Variants in OIP5 observed in about 807,000 individuals in gnomAD.
OIP5 encodes Opa interacting protein 5, also known as protein Mis18-beta.
In OIP5, 24 loss-of-function variants were observed where a neutral mutation model predicts 20.3. The ratio of observed to expected loss-of-function variants is 1.18; its 90% CI spans 0.86 to 1.66. The LOEUF (loss-of-function observed/expected upper bound fraction) is 1.66, where lower values mean the gene tolerates loss of function less well. Ranked by LOEUF, OIP5 falls within the 40% of genes most tolerant of loss-of-function variation. The pLI is 0.00. For missense variants in OIP5, 339 were observed against 289.5 expected (o/e 1.17, Z -1.24); for synonymous variants, 143 against 121.3 (o/e 1.18, Z -1.17).
intron 3 of OIP5, among the ~76,000 whole-genome samples, chr15:41,319,045 C>T (rs2030396765): frequency 1.3e-5 from 2 of 151,606 alleles, no homozygotes; most frequent in Admixed American, 1.3e-4. Flanking sequence ...ACTTTAGCAT[C>T]TTTTTGGTAC....
intron 4 of OIP5, among the ~76,000 whole-genome samples, chr15:41,310,353 G>A (rs1400604008): frequency 1.3e-5 from 2 of 152,180 alleles, no homozygotes; most frequent in African/African-American, 2.4e-5. Context: ...GTGGCCAGGC[G>A]CAGTGGCTCA....
At chr15:41,328,120 C>T (rs2047873211) in intron 2 of OIP5, among the ~76,000 whole-genome samples, 4 of 152,136 alleles carry the variant, frequency 2.6e-5, no homozygotes, top group Admixed American at 2.6e-4. Flanking sequence ...AAGATCCTTA[C>T]CAAAATATTT....
At position 41,332,283 on chromosome 15, in the gene OIP5, G is replaced by T. The variant is rs773259110; in HGVS notation, c.279C>A (p.Leu93=). The T allele has an allele frequency of 1.3e-6, 2 of 1,573,808 alleles. No homozygotes were observed. Among genetic ancestry groups the T allele is most frequent in the African/African-American group, 1.4e-5 (1 of 73,932 alleles). The change falls in exon 1 of 5, where the codon CTC becomes CTA. Residue 93 remains leucine (L), a synonymous_variant. Transcript: ENST00000220514. ...CGAGGGACCGCGACAGGTCCCAGGC[G>T]AGGTGCACCGAGTCGGCGAGCACTG... ...CHAVLADSVH[L]AWDLSRSLGA... is the part of the protein sequence containing the mutation.
chr15:41,314,011 T>C (rs906226335), intron 3 of OIP5, among the ~76,000 whole-genome samples: 1 of 152,318 alleles, frequency 6.6e-6, no homozygotes, highest in East Asian at 1.9e-4. Context: ...TTATAAGCTT[T>C]ACACTTCATC....
At chr15:41,318,505 A>C (rs1416527480) in intron 3 of OIP5, among the ~76,000 whole-genome samples, 2 of 152,070 alleles carry the variant, frequency 1.3e-5, no homozygotes, top group Non-Finnish European at 2.9e-5. Flanking sequence ...CATGTTGCCT[A>C]GGCTGGTCTC....
rs1327590146 is a variant in OIP5, at chr15:41,313,767, A to G, written c.513-413T>C. 2.0e-5 allele frequency among the ~76,000 whole-genome samples: 3 copies of G among 152,182 alleles called. No homozygotes were observed. In the East Asian group the frequency reaches 5.8e-4, roughly 29 times the overall value. On this transcript the variant is annotated intron_variant, in intron 3 of 4. Coordinates refer to ENST00000220514, the MANE Select transcript of OIP5 (RefSeq NM_007280.2). ...TTATACTTTAAAAAGGAGGATATCCAAAAGTAATATGCAAATATTACACCA... is the reference window on the plus strand; with the variant it reads ...TTATACTTTAAAAAGGAGGATATCCGAAAGTAATATGCAAATATTACACCA...
At position 41,309,752 on chromosome 15, in the gene OIP5, G is replaced by T; in HGVS notation, c.*2C>A. 2 of 1,604,324 alleles carry T rather than the reference G, an allele frequency of 1.2e-6. No individual in the cohort carries two copies. Among genetic ancestry groups the T allele is most frequent in the South Asian group, 1.1e-5 (1 of 90,668 alleles). ...ACCTGACACTCAAGCTTTGGTACAG[G>T]ATCAGTTTTCTGGCTTGGACTGGTC... is the stretch of plus-strand genomic sequence containing the variant. On this transcript the variant is annotated 3_prime_UTR_variant, in exon 5 of 5. Transcript: ENST00000220514.
chr15:41,312,578 G>C (rs2047763222), intron 4 of OIP5, among the ~76,000 whole-genome samples: 1 of 150,790 alleles, frequency 6.6e-6, no homozygotes, highest in Non-Finnish European at 1.5e-5. Context: ...TCCTGCCTCA[G>C]TCTCCTAAGT....
At chr15:41,326,556 T>G (rs893889398) in intron 2 of OIP5, among the ~76,000 whole-genome samples, 2 of 152,058 alleles carry the variant, frequency 1.3e-5, no homozygotes, top group African/African-American at 2.4e-5. Flanking sequence ...CCCAAGTGAG[T>G]AGCTGGGATT....
At chr15:41,331,541 C>T (rs1322041376) in intron 2 of OIP5, among the ~76,000 whole-genome samples, 2 of 152,172 alleles carry the variant, frequency 1.3e-5, no homozygotes, top group East Asian at 3.8e-4. Context: ...GCTATGAGCG[C>T]ACCAGTGCAC....
At chr15:41,318,224 T>G (rs2047800188) in intron 3 of OIP5, among the ~76,000 whole-genome samples, 4 of 152,138 alleles carry the variant, frequency 2.6e-5, no homozygotes, top group Admixed American at 6.6e-5. Flanking sequence ...GTGCAGTGGC[T>G]TGATCTTGGC....
intron 2 of OIP5, among the ~76,000 whole-genome samples, chr15:41,327,816 T>TAAAAAA (rs2047871685): frequency 6.6e-6 from 1 of 151,136 alleles, no homozygotes; most frequent in Non-Finnish European, 1.5e-5. Flanking sequence ...ATAAAATAAT[T>TAAAAAA]GAAAAGAAAG....
intron 2 of OIP5, among the ~76,000 whole-genome samples, chr15:41,328,367 C>T (rs1360700643): frequency 1.1e-4 from 16 of 152,136 alleles, no homozygotes; most frequent in Admixed American, 1.0e-3. Flanking sequence ...GATAAGTGCT[C>T]TAGTTTAGTG....
Position 41,313,351 on chromosome 15 carries a change from A to C in OIP5, c.516T>G (p.Tyr172Ter), listed in dbSNP as rs764851062. The part of the protein sequence containing the change: ...FCLSSDKMVC[Y>*]LLKTKAIVNA... The stretch of plus-strand genomic sequence containing the variant: ...TTACTATGGCTTTTGTTTTTAAGAG[A>C]TAGCTAGATAGGAAAAAAGAAAAAT... The change falls in exon 4 of 5, where the codon TAT (tyrosine) becomes TAG (stop). Residue 172 changes from tyrosine (Y) to a stop codon, truncating the protein, a stop_gained. Transcript: ENST00000220514. LOFTEE classifies it high-confidence loss of function. 3.1e-5 allele frequency: 49 copies of C among 1,567,882 alleles called. No homozygotes were observed. Among genetic ancestry groups the C allele is most frequent in the Non-Finnish European group, 4.2e-5 (48 of 1,144,892 alleles).
At chr15:41,327,587 A>G (rs964443396) in intron 2 of OIP5, among the ~76,000 whole-genome samples, 7 of 151,886 alleles carry the variant, frequency 4.6e-5, no homozygotes, top group Non-Finnish European at 1.0e-4. Context: ...CAGGAGATTA[A>G]GACCATCCTG....
chr15:41,321,953 AAG>A (rs1004923959), intron 2 of OIP5, among the ~76,000 whole-genome samples: 7 of 150,556 alleles, frequency 4.6e-5, no homozygotes, highest in Non-Finnish European at 1.0e-4. Flanking sequence ...ATAAATAAAA[AAG>A]AAAAAAATGC....
intron 2 of OIP5, among the ~76,000 whole-genome samples, chr15:41,331,183 T>A (rs573904943): frequency 3.9e-5 from 6 of 152,270 alleles, no homozygotes; most frequent in African/African-American, 1.4e-4. Context: ...AAACTCAAAA[T>A]TGAGGAGCCT....
At position 41,332,334 on chromosome 15, in the gene OIP5, AGC is replaced by A; in HGVS notation, c.226_227del (p.Ala76CysfsTer36). On this transcript the variant is annotated frameshift_variant, in exon 1 of 5. Coordinates refer to ENST00000220514, the MANE Select transcript of OIP5 (RefSeq NM_007280.2). LOFTEE classifies it high-confidence loss of function. ...CGTGACACTGTGCGCACTGGAACACAGCGCACCTCTCAGGCTGCAGCCAAGAC... is the reference window on the plus strand; with the variant it reads ...CGTGACACTGTGCGCACTGGAACACAGCACCTCTCAGGCTGCAGCCAAGAC... ...LPSWLQPERCAVFQCAQCHAV... is the reference protein window; with the variant it reads ...LPSWLQPERCXVFQCAQCHAV... The A allele has an allele frequency of 3.1e-6, 5 of 1,611,786 alleles. No individual in the cohort carries two copies. Among genetic ancestry groups the A allele is most frequent in the Non-Finnish European group, 4.2e-6 (5 of 1,178,906 alleles).
At chr15:41,331,682 T>C (rs1295995152) in intron 2 of OIP5, among the ~76,000 whole-genome samples, 1 of 152,216 alleles carries the variant, frequency 6.6e-6, no homozygotes, top group African/African-American at 2.4e-5. Flanking sequence ...TAGATACATC[T>C]TTCTTAGCCT....
Sources: gnomAD v4.1 joint callset for allele counts (sites outside exome capture counted in the v4.1 genomes callset) on GRCh38, gnomAD v4.1.1 for gene constraint, MANE v1.5 for transcripts, NCBI Gene and HGNC (gene_info 2026-07-23, HGNC 2026-07-21) for gene names.